SUMF1: variants seen among roughly 807,000 people sequenced by gnomAD.
SUMF1 encodes formylglycine-generating enzyme.
SUMF1 carries 48 observed loss-of-function variants against 47.6 expected under a neutral mutation model. The ratio of observed to expected loss-of-function variants is 1.01; its 90% CI spans 0.80 to 1.28. The LOEUF is 1.28. SUMF1 is among the 50% of genes most tolerant of loss of function. SUMF1 has a pLI of 0.00. For missense variants in SUMF1, 571 were observed against 485.4 expected, an observed-to-expected ratio of 1.18 and a Z score of -1.66; for synonymous variants, 230 against 192.1, an observed-to-expected ratio of 1.20 and a Z score of -1.63.
intron 7 of SUMF1, among the ~76,000 whole-genome samples, chr3:4,410,404 A>G (rs1479956708): frequency 6.6e-6 from 1 of 152,218 alleles, no homozygotes; most frequent in Non-Finnish European, 1.5e-5. Context: ...TCCTGCTTCA[A>G]CATTTAACCA....
At chr3:4,067,872 G>A (rs1386106337) in intron 9 of SUMF1, among the ~76,000 whole-genome samples, 7 of 152,176 alleles carry the variant, frequency 4.6e-5, no homozygotes, top group Non-Finnish European at 7.3e-5. Flanking sequence ...GAACAAGGTA[G>A]AGAGGATAAA....
chr3:4,068,287 C>G (rs1280130617), intron 9 of SUMF1, among the ~76,000 whole-genome samples: 3 of 151,904 alleles, frequency 2.0e-5, no homozygotes, highest in African/African-American at 7.3e-5. Flanking sequence ...ATGGCTTCAC[C>G]CCCAATCCTG....
At chr3:4,078,471 C>A (rs1297896232) in intron 8 of SUMF1, among the ~76,000 whole-genome samples, 1 of 152,068 alleles carries the variant, frequency 6.6e-6, no homozygotes, top group Non-Finnish European at 1.5e-5. Context: ...ATTTAGAGTT[C>A]TTTCTGATTA....
intron 8 of SUMF1, among the ~76,000 whole-genome samples, chr3:4,275,489 C>A (rs997876500): frequency 2.0e-5 from 3 of 152,108 alleles, no homozygotes; most frequent in Admixed American, 6.5e-5. Flanking sequence ...ACCAAGAAAA[C>A]CTTTCCCAGA....
intron 8 of SUMF1, among the ~76,000 whole-genome samples, chr3:4,133,327 A>T (rs1385033911): frequency 6.6e-6 from 1 of 152,190 alleles, no homozygotes; most frequent in Non-Finnish European, 1.5e-5. Context: ...TATATTAGGC[A>T]TAATTATGAC....
intron 3 of SUMF1, among the ~76,000 whole-genome samples, chr3:4,439,969 C>T (rs1424376481): frequency 6.6e-6 from 1 of 152,040 alleles, no homozygotes; most frequent in Non-Finnish European, 1.5e-5. Context: ...CATGGTGGCT[C>T]ATGCTTGTAA....
chr3:4,160,747 G>A (rs1694556940), intron 8 of SUMF1, among the ~76,000 whole-genome samples: 1 of 151,656 alleles, frequency 6.6e-6, no homozygotes, highest in African/African-American at 2.4e-5. Context: ...TAATTTCTTT[G>A]TGTTTCTTCA....
chr3:4,177,345 G>T (rs1418419526), intron 8 of SUMF1, among the ~76,000 whole-genome samples: 1 of 152,174 alleles, frequency 6.6e-6, no homozygotes, highest in Non-Finnish European at 1.5e-5. Context: ...CTGTCTCTCA[G>T]ACTACAGTGC....
intron 6 of SUMF1, among the ~76,000 whole-genome samples, chr3:4,416,323 C>A (rs924242137): frequency 9.2e-5 from 14 of 151,846 alleles, no homozygotes; most frequent in African/African-American, 3.4e-4. Flanking sequence ...ACAGAAATAA[C>A]CTGTTTCCAG....
At chr3:4,359,835 A>T (rs1282052982), downstream of SUMF1, among the ~76,000 whole-genome samples, 1 of 151,840 alleles carries the variant, frequency 6.6e-6, no homozygotes, top group Non-Finnish European at 1.5e-5. Context: ...ACGCAGTCAA[A>T]CCATCTCAGT....
At chr3:4,251,952 T>C (rs1696811698) in intron 8 of SUMF1, among the ~76,000 whole-genome samples, 1 of 152,180 alleles carries the variant, frequency 6.6e-6, no homozygotes, top group Admixed American at 6.5e-5. Flanking sequence ...TAAACATAAA[T>C]TCTATATGCA....
chr3:4,358,803 T>C (rs1040333030), downstream of SUMF1, among the ~76,000 whole-genome samples: 2 of 152,206 alleles, frequency 1.3e-5, no homozygotes, highest in African/African-American at 4.8e-5. Flanking sequence ...GATCAGATTT[T>C]TTACTTTTGA....
intron 3 of SUMF1, among the ~76,000 whole-genome samples, chr3:4,425,573 G>A: frequency 6.6e-6 from 1 of 152,094 alleles, no homozygotes; most frequent in East Asian, 1.9e-4. Flanking sequence ...GAGCTAAGGG[G>A]TGAAGGAAGT....
At chr3:4,271,523 A>G (rs1224682887) in intron 8 of SUMF1, among the ~76,000 whole-genome samples, 1 of 151,266 alleles carries the variant, frequency 6.6e-6, no homozygotes, top group Admixed American at 6.6e-5. Flanking sequence ...AGATAGATAC[A>G]GAGAGGATCT....
chr3:4,066,709 T>C (rs1290354243), intron 9 of SUMF1, among the ~76,000 whole-genome samples: 1 of 152,150 alleles, frequency 6.6e-6, no homozygotes, highest in African/African-American at 2.4e-5. Context: ...TTGGCTGCCA[T>C]CTTCCCGGCC....
chr3:4,423,455 A>G (rs921530853), intron 3 of SUMF1, among the ~76,000 whole-genome samples: 4 of 152,046 alleles, frequency 2.6e-5, no homozygotes, highest in African/African-American at 7.2e-5. Context: ...GCTTCTCTCT[A>G]GTGACCTCTC....
chr3:4,375,303 C>A (rs1221871409), intron 8 of SUMF1, among the ~76,000 whole-genome samples: 1 of 152,010 alleles, frequency 6.6e-6, no homozygotes, highest in Non-Finnish European at 1.5e-5. Context: ...TACAAACTCA[C>A]ATATATACAT....
At chr3:4,448,918 A>G (rs527330983) in intron 3 of SUMF1, among the ~76,000 whole-genome samples, 1 of 152,330 alleles carries the variant, frequency 6.6e-6, no homozygotes, top group South Asian at 2.1e-4. Flanking sequence ...TTAGAATAGA[A>G]TTTTAAAATG....
chr3:4,236,713 C>A (rs1696418115), intron 8 of SUMF1, among the ~76,000 whole-genome samples: 1 of 152,122 alleles, frequency 6.6e-6, no homozygotes, highest in African/African-American at 2.4e-5. Context: ...TGTGCTAGAG[C>A]AGTATGTTTG....
Sources: gnomAD v4.1 joint callset for allele counts (sites outside exome capture counted in the v4.1 genomes callset) on GRCh38, gnomAD v4.1.1 for gene constraint, MANE v1.5 for transcripts, NCBI Gene and HGNC (gene_info 2026-07-23, HGNC 2026-07-21) for gene names.